HAT1: variants seen among roughly 807,000 people sequenced by gnomAD.
The protein encoded by HAT1 is histone acetyltransferase 1, also known as histone acetyltransferase type B catalytic subunit.
In HAT1, 20 loss-of-function variants were observed where a neutral mutation model predicts 56.6. The observed-to-expected ratio is 0.35, with a 90% confidence interval of 0.25 to 0.51. HAT1 has a LOEUF of 0.51. Ranked by LOEUF, HAT1 falls within the 20% of genes least tolerant of loss-of-function variation. The pLI, the probability that HAT1 is intolerant of heterozygous loss-of-function variation, is 0.95. For synonymous variants in HAT1, 146 were observed against 165.5 expected (o/e 0.88, Z 0.91); for missense variants, 408 against 504.3 (o/e 0.81, Z 1.83).
chr2:171,929,416 G>A (rs1481172627), intron 2 of HAT1, among the ~76,000 whole-genome samples: 2 of 152,032 alleles, frequency 1.3e-5, no homozygotes, highest in African/African-American at 4.8e-5. Context: ...TCAGTTTGTG[G>A]TTTGCCTGTT....
intron 6 of HAT1, 134 bp downstream of exon 6, chr2:171,966,042 G>C: frequency 1.3e-6 from 1 of 796,596 alleles, no homozygotes; most frequent in South Asian, 1.8e-5. Flanking sequence ...TATGAGGCTT[G>C]AGTTTTCCTT....
chr2:171,946,680 ATC>A, intron 2 of HAT1, 26 bp from the exon 3 acceptor site: 1 of 1,283,762 alleles, frequency 7.8e-7, no homozygotes, highest in South Asian at 1.2e-5. Flanking sequence ...TATCTTTAAT[ATC>A]TCTATTTTTT....
intron 2 of HAT1, among the ~76,000 whole-genome samples, chr2:171,937,200 G>A (rs1686892945): frequency 6.6e-6 from 1 of 152,074 alleles, no homozygotes; most frequent in African/African-American, 2.4e-5. Context: ...TATTAAACAA[G>A]CTTTAAAAAT....
At chr2:171,958,316 T>TTTC (rs1274948013) in intron 4 of HAT1, among the ~76,000 whole-genome samples, 2 of 151,938 alleles carry the variant, frequency 1.3e-5, no homozygotes, top group African/African-American at 4.8e-5. Context: ...CTTACTGCTT[T>TTTC]TTCTCTCTCT....
intron 8 of HAT1, among the ~76,000 whole-genome samples, chr2:171,968,064 C>T (rs141311125): frequency 6.6e-6 from 1 of 152,156 alleles, no homozygotes; most frequent in Non-Finnish European, 1.5e-5. Flanking sequence ...AGGGAAAGCA[C>T]GTTGTCTTTA....
chr2:171,979,223 G>T, intron 9 of HAT1, 24 bp from the exon 10 acceptor site: 2 of 1,065,732 alleles, frequency 1.9e-6, no homozygotes, highest in Non-Finnish European at 2.8e-6. Flanking sequence ...GAAAATGTTC[G>T]CATTTTCTTT....
At chr2:171,926,580 A>G (rs1234190267) in intron 2 of HAT1, among the ~76,000 whole-genome samples, 1 of 152,206 alleles carries the variant, frequency 6.6e-6, no homozygotes, top group Non-Finnish European at 1.5e-5. Flanking sequence ...GGCATGAGCC[A>G]CCACGCCTGG....
At chr2:171,922,798 C>T (rs1686474951) in intron 1 of HAT1, 1 of 379,862 alleles carries the variant, frequency 2.6e-6, no homozygotes, top group African/African-American at 2.1e-5. Context: ...CGTAAAATGC[C>T]ACATGCCTTG....
chr2:171,927,523 G>T (rs1375139291), intron 2 of HAT1, among the ~76,000 whole-genome samples: 2 of 152,020 alleles, frequency 1.3e-5, no homozygotes, highest in African/African-American at 4.8e-5. Context: ...GTCATCTGTT[G>T]TCTCTGCCCC....
intron 2 of HAT1, among the ~76,000 whole-genome samples, chr2:171,931,893 C>A (rs1238002766): frequency 6.6e-6 from 1 of 152,160 alleles, no homozygotes; most frequent in African/African-American, 2.4e-5. Context: ...GACATCCTTG[C>A]CTTATTCCCA....
Position 171,943,872 on chromosome 2 carries a change from G to C in HAT1, c.113-2836G>C, listed in dbSNP as rs536284843. ...AATAGCTTTAAAAAAAATTAGTCCAGGCATGGTGGCTCATGCCTGTAATTC... is the reference window on the plus strand; with the variant it reads ...AATAGCTTTAAAAAAAATTAGTCCACGCATGGTGGCTCATGCCTGTAATTC... On this transcript the variant is annotated intron_variant, in intron 2 of 10. Transcript: ENST00000264108. 3.3e-5 allele frequency among the ~76,000 whole-genome samples: 5 copies of C among 151,990 alleles called. No individual in the cohort carries two copies. In the South Asian group the frequency reaches 1.0e-3, roughly 32 times the overall value.
intron 4 of HAT1, among the ~76,000 whole-genome samples, chr2:171,955,039 A>AT (rs1687404985): frequency 6.6e-6 from 1 of 152,200 alleles, no homozygotes; most frequent in African/African-American, 2.4e-5. Context: ...GAGGGAGTGT[A>AT]TTACCTTGGT....
chr2:171,953,626 T>TAAAAAAAAAAAAAAAA lies in HAT1; in HGVS notation c.309+639_309+654dup, dbSNP rs587686867. ...GGCAACAGAACAAGACCCTGTCTCTTAAAAAAAAAAAAAAAAAAAAAAAAA... is the reference window on the plus strand; with the variant it reads ...GGCAACAGAACAAGACCCTGTCTCTTAAAAAAAAAAAAAAAAAAAAAAAAAAAAAAAAAAAAAAAAA... On this transcript the variant is annotated intron_variant, in intron 4 of 10. Coordinates refer to ENST00000264108, the MANE Select transcript of HAT1 (RefSeq NM_003642.4). Among the ~76,000 whole-genome samples, 59 of 84,602 alleles carry TAAAAAAAAAAAAAAAA rather than the reference T, an allele frequency of 7.0e-4. 4 individuals carry two copies. The highest frequency in any genetic ancestry group is 2.0e-3 in the African/African-American group (38 of 18,754). 55.5% of individuals were successfully genotyped at this position (84,602 alleles called of 152,430 possible). A position where few individuals can be genotyped will look rare whatever the true frequency, so the allele number is the denominator to read the frequency against.
chr2:171,978,354 C>T (rs1346729349), intron 9 of HAT1, among the ~76,000 whole-genome samples: 3 of 152,158 alleles, frequency 2.0e-5, no homozygotes, highest in East Asian at 3.8e-4. Flanking sequence ...GCCCTGTCTG[C>T]TTTTTAACTG....
At chr2:171,936,779 G>C (rs947654582) in intron 2 of HAT1, among the ~76,000 whole-genome samples, 2 of 152,102 alleles carry the variant, frequency 1.3e-5, no homozygotes, top group East Asian at 3.9e-4. Context: ...AGGAAAAGAT[G>C]TATCGGGCAA....
At chr2:171,954,718 G>T (rs1687398439) in intron 4 of HAT1, among the ~76,000 whole-genome samples, 2 of 152,164 alleles carry the variant, frequency 1.3e-5, no homozygotes, top group African/African-American at 4.8e-5. Context: ...ATGCATCTGT[G>T]GTAGACTGAA....
At chr2:171,927,975 C>T (rs1257369506) in intron 2 of HAT1, among the ~76,000 whole-genome samples, 2 of 152,176 alleles carry the variant, frequency 1.3e-5, no homozygotes, top group Non-Finnish European at 2.9e-5. Flanking sequence ...AAACCTCTGC[C>T]TCCTGGGTTT....
At chr2:171,944,270 C>T (rs1049194955) in intron 2 of HAT1, among the ~76,000 whole-genome samples, 2 of 152,152 alleles carry the variant, frequency 1.3e-5, no homozygotes, top group African/African-American at 2.4e-5. Flanking sequence ...CAACTTTTCC[C>T]CTACATGACA....
chr2:171,935,557 T>C (rs1339613351), intron 2 of HAT1, among the ~76,000 whole-genome samples: 1 of 139,832 alleles, frequency 7.2e-6, no homozygotes, highest in Non-Finnish European at 1.5e-5. Context: ...TCATTTTAAG[T>C]CTTGGTGGGG....
Sources: allele counts gnomAD v4.1 joint callset (sites outside exome capture counted in the v4.1 genomes callset), GRCh38; gene constraint gnomAD v4.1.1; transcripts MANE v1.5; gene names NCBI Gene and HGNC (gene_info 2026-07-23, HGNC 2026-07-21).